Variants in PGBD5 observed in about 807,000 individuals in gnomAD.
The protein encoded by PGBD5 is piggyBac transposable element derived 5, also known as piggyBac transposable element-derived protein 5.
A neutral mutation model predicts 47.9 loss-of-function variants in PGBD5; 14 were observed. The observed-to-expected ratio is 0.29, with a 90% CI of 0.19 to 0.46. The LOEUF (loss-of-function observed/expected upper bound fraction) is 0.46. PGBD5 is among the 20% of genes least tolerant of loss of function. The pLI, the probability that PGBD5 is intolerant of heterozygous loss-of-function variation, is 1.00. For missense variants in PGBD5, 635 were observed against 716.0 expected (o/e 0.89, Z 1.29); for synonymous variants, 316 against 306.3 (o/e 1.03, Z -0.33).
Position 230,319,759 on chromosome 1 carries a change from G to T in PGBD5, c.*3666C>A, listed in dbSNP as rs1333146917. The T allele has an allele frequency of 6.6e-6, 1 of 151,634 alleles. No individual in the cohort carries two copies. The highest frequency in any genetic ancestry group is 6.6e-5 in the Admixed American group (1 of 15,196). 9.4% of individuals were successfully genotyped at this position (151,634 alleles called of 1,614,324 possible). ...TTGCTCAGAATGACCCAGCCACCAA[G>T]ACTTTTCCATATGACTTGCCTGACT... is the stretch of plus-strand genomic sequence containing the variant. On this transcript the variant is annotated 3_prime_UTR_variant, in exon 7 of 7. Coordinates refer to ENST00000391860, the MANE Select transcript of PGBD5 (RefSeq NM_001258311.2).
rs555245034 is a variant in PGBD5 at position 230,419,889 on chromosome 1, G to A, written c.331+5709C>T. ...ACCTGTAATCTCGGCACTTTGGGAGGCCAAGGCAGGTGGATCACCTGAGGT... is the reference window on the plus strand; with the variant it reads ...ACCTGTAATCTCGGCACTTTGGGAGACCAAGGCAGGTGGATCACCTGAGGT... On this transcript the variant is annotated intron_variant, in intron 1 of 6. Transcript: ENST00000391860. Among the ~76,000 whole-genome samples the A allele has an allele frequency of 6.6e-4, 101 of 152,280 alleles. 1 individual carries two copies. The highest frequency in any genetic ancestry group is 6.8e-3 in the Middle Eastern group (2 of 294).
At chr1:230,376,976 A>G (rs1385411210) in intron 1 of PGBD5, among the ~76,000 whole-genome samples, 5 of 152,156 alleles carry the variant, frequency 3.3e-5, no homozygotes, top group Non-Finnish European at 1.5e-5. Context: ...TGCTTAATAA[A>G]CAGCAGCTAC....
intron 1 of PGBD5, among the ~76,000 whole-genome samples, chr1:230,371,105 C>T (rs1051461978): frequency 2.6e-5 from 4 of 152,130 alleles, no homozygotes; most frequent in Non-Finnish European, 4.4e-5. Flanking sequence ...CCTCAGCTCC[C>T]GAAGACTTCT....
chr1:230,376,441 A>G (rs1051162474), intron 1 of PGBD5, among the ~76,000 whole-genome samples: 2 of 152,106 alleles, frequency 1.3e-5, no homozygotes, highest in Admixed American at 6.5e-5. Flanking sequence ...CACACCAGCT[A>G]GAGTGGCTGA....
chr1:230,409,277 A>G (rs1657365750), intron 1 of PGBD5, among the ~76,000 whole-genome samples: 1 of 152,230 alleles, frequency 6.6e-6, no homozygotes, highest in African/African-American at 2.4e-5. Context: ...AAAATGGTAC[A>G]GTCACTTTGG....
At chr1:230,366,536 CATT>C (rs1181727629) in intron 1 of PGBD5, among the ~76,000 whole-genome samples, 3 of 152,194 alleles carry the variant, frequency 2.0e-5, no homozygotes, top group East Asian at 1.9e-4. Context: ...AAAAACCTCA[CATT>C]ATTATTCTGA....
rs1048214912 is a variant in PGBD5 at position 230,357,112 on chromosome 1, G to A, written c.541C>T (p.His181Tyr). 6.2e-7 allele frequency: 1 copy of A among 1,614,168 alleles called. No homozygotes were observed. The highest frequency in any genetic ancestry group is 8.5e-7 in the Non-Finnish European group (1 of 1,180,040). The change falls in exon 2 of 7, where the codon CAC becomes TAC. Residue 181 changes from histidine to tyrosine, a missense_variant. Physicochemically the swap from His to Tyr is moderately conservative, Grantham distance 83. Coordinates refer to ENST00000391860, the MANE Select transcript of PGBD5 (RefSeq NM_001258311.2). The surrounding 1 kb of genome is among the most constrained non-coding windows in gnomAD (Gnocchi z 5.7). ...CAGATGCTGAGGACGGACTCGCAGT[G>A]GGAGATGCTGGTGGAGATCATGTAG... ...LGYMISTSIS[H>Y]CESVLSIWSG... is the part of the protein sequence containing the mutation.
intron 1 of PGBD5, among the ~76,000 whole-genome samples, chr1:230,379,353 T>A (rs190785418): frequency 4.5e-4 from 68 of 152,318 alleles, no homozygotes; most frequent in African/African-American, 1.6e-3. Flanking sequence ...CCAAGTCCCA[T>A]CTGCCCATTC....
At chr1:230,345,515 T>C (rs1558195183) in intron 3 of PGBD5, among the ~76,000 whole-genome samples, 1 of 152,212 alleles carries the variant, frequency 6.6e-6, no homozygotes. Flanking sequence ...GGCTGGAGGG[T>C]ATTCTGGGGT....
At chr1:230,359,807 G>A (rs559981388) in intron 1 of PGBD5, among the ~76,000 whole-genome samples, 20 of 152,354 alleles carry the variant, frequency 1.3e-4, no homozygotes, top group Non-Finnish European at 2.9e-4. Flanking sequence ...TTCCAAGGAA[G>A]ACTCTAACTA....
At position 230,320,099 on chromosome 1, in the gene PGBD5, G is replaced by A. The variant is rs1186199670; in HGVS notation, c.*3326C>T. ...GCTGGTCTCAATCTCCTGGCCTTGTGATCCGCCTGCCTCGGCCTCCCAAAG... is the reference window on the plus strand; with the variant it reads ...GCTGGTCTCAATCTCCTGGCCTTGTAATCCGCCTGCCTCGGCCTCCCAAAG... On this transcript the variant is annotated 3_prime_UTR_variant, in exon 7 of 7. Coordinates refer to ENST00000391860, the MANE Select transcript of PGBD5 (RefSeq NM_001258311.2). 6.6e-6 allele frequency: 1 copy of A among 152,200 alleles called. No individual in the cohort carries two copies. The highest frequency in any genetic ancestry group is 6.6e-5 in the Admixed American group (1 of 15,264). 9.4% of individuals were successfully genotyped at this position (152,200 alleles called of 1,614,324 possible). A position where few individuals can be genotyped will look rare whatever the true frequency, so the allele number is the denominator to read the frequency against.
At chr1:230,384,774 T>TGTGGATGG (rs1656594545) in intron 1 of PGBD5, among the ~76,000 whole-genome samples, 2 of 152,216 alleles carry the variant, frequency 1.3e-5, no homozygotes, top group African/African-American at 2.4e-5. Context: ...TTAAATTCTC[T>TGTGGATGG]GCACTCAGGT....
rs574774847 is a variant in PGBD5, at chr1:230,407,673, T to C, written c.331+17925A>G. 2.0e-5 allele frequency among the ~76,000 whole-genome samples: 3 copies of C among 152,176 alleles called. No homozygotes were observed. In the South Asian group the frequency reaches 6.2e-4, roughly 32 times the overall value. On this transcript the variant is annotated intron_variant, in intron 1 of 6. Coordinates refer to ENST00000391860, the MANE Select transcript of PGBD5 (RefSeq NM_001258311.2). ...TCCTCAGGGAAGACATCAAAACTAA[T>C]GTTCATAGAAAAAAAAATCTGAGAT... is the stretch of plus-strand genomic sequence containing the variant.
chr1:230,341,739 T>C (rs1196027717), intron 3 of PGBD5, among the ~76,000 whole-genome samples: 1 of 152,178 alleles, frequency 6.6e-6, no homozygotes, highest in East Asian at 1.9e-4. Flanking sequence ...TGTGTAGACA[T>C]AGGTGACTTC....
At chr1:230,394,055 C>G in intron 1 of PGBD5, among the ~76,000 whole-genome samples, 1 of 152,036 alleles carries the variant, frequency 6.6e-6, no homozygotes, top group East Asian at 1.9e-4. Flanking sequence ...TATCCAAATT[C>G]TACCTATGGC....
At chr1:230,420,996 T>C (rs113668568) in intron 1 of PGBD5, among the ~76,000 whole-genome samples, 14 of 152,206 alleles carry the variant, frequency 9.2e-5, no homozygotes, top group Admixed American at 3.3e-4. Flanking sequence ...CCTGGGCACA[T>C]AGTGAGACCG....
chr1:230,386,904 T>C (rs1656655546), intron 1 of PGBD5, among the ~76,000 whole-genome samples: 3 of 152,324 alleles, frequency 2.0e-5, no homozygotes, highest in Admixed American at 1.3e-4. Context: ...GGAATATATA[T>C]GGCATCACTA....
chr1:230,342,072 G>A (rs1484536427), intron 3 of PGBD5, among the ~76,000 whole-genome samples: 2 of 152,124 alleles, frequency 1.3e-5, no homozygotes, highest in Non-Finnish European at 2.9e-5. Flanking sequence ...ACAGCACATG[G>A]GATTTATCTT....
intron 3 of PGBD5, among the ~76,000 whole-genome samples, chr1:230,340,952 C>T (rs1295387907): frequency 3.9e-5 from 6 of 152,130 alleles, no homozygotes; most frequent in African/African-American, 1.4e-4. Context: ...GGACGCTCAA[C>T]TGGGATGTCA....
Sources: gnomAD v4.1 joint callset for allele counts (sites outside exome capture counted in the v4.1 genomes callset) on GRCh38, gnomAD v4.1.1 for gene constraint, Gnocchi (gnomAD v3.1) non-coding constraint, MANE v1.5 for transcripts, NCBI Gene and HGNC (gene_info 2026-07-23, HGNC 2026-07-21) for gene names.